The following SLC35F4 variants were observed in gnomAD, a reference collection of about 807,000 sequenced individuals.
SLC35F4 encodes the protein solute carrier family 35 member F4, also known as chromosome 14 open reading frame 36.
In SLC35F4, 24 loss-of-function variants were observed where a neutral mutation model predicts 44.2. The observed-to-expected ratio is 0.54, with a 90% CI of 0.39 to 0.76. SLC35F4 has a LOEUF of 0.76. SLC35F4 is among the 30% of genes least tolerant of loss of function. SLC35F4 has a pLI of 0.00. For synonymous variants in SLC35F4, 238 were observed against 223.6 expected (o/e 1.06, Z -0.57); for missense variants, 562 against 586.1 (o/e 0.96, Z 0.42).
At chr14:57,929,624 C>T (rs1000711789) in intron 1 of SLC35F4, among the ~76,000 whole-genome samples, 2 of 152,168 alleles carry the variant, frequency 1.3e-5, no homozygotes, top group African/African-American at 4.8e-5. Flanking sequence ...CCAACTCTCA[C>T]CAAACTTCCT....
chr14:57,953,745 C>A (rs570416093), intron 1 of SLC35F4, among the ~76,000 whole-genome samples: 1 of 152,170 alleles, frequency 6.6e-6, no homozygotes, highest in Non-Finnish European at 1.5e-5. Context: ...AATATATATG[C>A]ACCCAATACA....
At chr14:57,582,191 G>A (rs1345475895) in intron 3 of SLC35F4, among the ~76,000 whole-genome samples, 1 of 141,470 alleles carries the variant, frequency 7.1e-6, no homozygotes. Context: ...TTAAGTCCTA[G>A]GCCTAAACAT....
chr14:57,673,971 AT>A (rs2074604529), intron 1 of SLC35F4, among the ~76,000 whole-genome samples: 1 of 152,128 alleles, frequency 6.6e-6, no homozygotes, highest in African/African-American at 2.4e-5. Flanking sequence ...TAAACACTTT[AT>A]AAAATAAGAC....
intron 1 of SLC35F4, among the ~76,000 whole-genome samples, chr14:57,941,732 T>C (rs968358884): frequency 1.3e-5 from 2 of 152,192 alleles, no homozygotes; most frequent in Admixed American, 1.3e-4. Context: ...TTATGACCAT[T>C]AAAAAGTAAC....
Position 57,593,984 on chromosome 14 carries a change from A to T in SLC35F4, c.244T>A (p.Ser82Thr), listed in dbSNP as rs749719466. ...APILELQNQG[S>T]SGVCGHRVER... The stretch of plus-strand genomic sequence containing the variant: ...ACTCTGTGTCCACAAACTCCTGAGG[A>T]TCCTTGGTTTTGAAGTTCAAGAATA... Residue 82 changes from serine to threonine, a missense_variant, in exon 2 of 8, where the codon TCC (serine) becomes ACC (threonine). Physicochemically the swap from Ser to Thr is moderately conservative, Grantham distance 58. Coordinates refer to ENST00000556826, the MANE Select transcript of SLC35F4 (RefSeq NM_001306087.2). 6.2e-7 allele frequency: 1 copy of T among 1,613,886 alleles called. No homozygotes were observed. Among genetic ancestry groups the T allele is most frequent in the South Asian group, 1.1e-5 (1 of 91,078 alleles).
chr14:57,853,007 G>A (rs1886721174), intron 1 of SLC35F4, among the ~76,000 whole-genome samples: 1 of 152,214 alleles, frequency 6.6e-6, no homozygotes, highest in Admixed American at 6.5e-5. Flanking sequence ...CTGCAGGATA[G>A]TGTAATGTTC....
At chr14:57,932,492 C>A (rs1291596281) in intron 1 of SLC35F4, among the ~76,000 whole-genome samples, 1 of 152,190 alleles carries the variant, frequency 6.6e-6, no homozygotes, top group South Asian at 2.1e-4. Context: ...TTGTTAAGTG[C>A]CAGGAGGTGA....
chr14:57,724,478 C>A (rs1284392386), intron 1 of SLC35F4, among the ~76,000 whole-genome samples: 2 of 152,186 alleles, frequency 1.3e-5, no homozygotes, highest in Non-Finnish European at 2.9e-5. Flanking sequence ...CTATCATGAA[C>A]TGAGTCCTTT....
chr14:57,751,163 GA>G (rs1195860760), intron 1 of SLC35F4, among the ~76,000 whole-genome samples: 1 of 152,152 alleles, frequency 6.6e-6, no homozygotes, highest in Non-Finnish European at 1.5e-5. Context: ...TTTTCCATAA[GA>G]AGGAACTAAA....
intron 4 of SLC35F4, chr14:57,578,955 C>T (rs956076777): frequency 1.3e-5 from 2 of 152,202 alleles, no homozygotes; most frequent in Non-Finnish European, 2.9e-5. Flanking sequence ...ACAGCTGGGA[C>T]CAAAGGCATC....
At chr14:57,741,118 C>T (rs757702835) in intron 1 of SLC35F4, among the ~76,000 whole-genome samples, 6 of 152,186 alleles carry the variant, frequency 3.9e-5, no homozygotes, top group Non-Finnish European at 5.9e-5. Context: ...GATAAAACCA[C>T]AAAGATGGGT....
intron 1 of SLC35F4, among the ~76,000 whole-genome samples, chr14:57,859,232 C>T (rs1017850012): frequency 6.6e-6 from 1 of 152,004 alleles, no homozygotes; most frequent in Non-Finnish European, 1.5e-5. Context: ...TTAAAGTGCT[C>T]GCATATATGG....
intron 1 of SLC35F4, among the ~76,000 whole-genome samples, chr14:57,852,274 C>T (rs1332642224): frequency 6.6e-6 from 1 of 152,124 alleles, no homozygotes; most frequent in Non-Finnish European, 1.5e-5. Context: ...AGACAGGTCA[C>T]ACCACCAGGA....
chr14:57,653,702 G>A (rs1434490631), intron 1 of SLC35F4, among the ~76,000 whole-genome samples: 1 of 152,188 alleles, frequency 6.6e-6, no homozygotes, highest in Non-Finnish European at 1.5e-5. Context: ...GGAGCAGGTG[G>A]TGTTTGCTGC....
upstream of SLC35F4, among the ~76,000 whole-genome samples, chr14:57,867,002 T>TAATAATAATAA (rs1566916240): frequency 2.0e-5 from 3 of 146,732 alleles, no homozygotes; most frequent in South Asian, 2.1e-4. Context: ...ATAATAATAA[T>TAATAATAATAA]TTTCAAAGTT....
chr14:57,824,655 C>A (rs1169882456), intron 1 of SLC35F4, among the ~76,000 whole-genome samples: 1 of 152,058 alleles, frequency 6.6e-6, no homozygotes, highest in Non-Finnish European at 1.5e-5. Context: ...ATAGAGATAT[C>A]TGGGGGAAGA....
chr14:57,688,988 T>A (rs2075147068), intron 1 of SLC35F4, among the ~76,000 whole-genome samples: 1 of 152,170 alleles, frequency 6.6e-6, no homozygotes, highest in South Asian at 2.1e-4. Flanking sequence ...TCAAAGTTAC[T>A]GTGTACCTAT....
At chr14:57,611,858 T>C (rs745638645) in intron 1 of SLC35F4, among the ~76,000 whole-genome samples, 2 of 152,172 alleles carry the variant, frequency 1.3e-5, no homozygotes, top group Non-Finnish European at 2.9e-5. Flanking sequence ...TGAAGTAACC[T>C]GGCCTCCCTC....
intron 1 of SLC35F4, among the ~76,000 whole-genome samples, chr14:57,824,066 A>G (rs1020126459): frequency 6.6e-6 from 1 of 152,212 alleles, no homozygotes; most frequent in African/African-American, 2.4e-5. Flanking sequence ...TGGAACCTGA[A>G]GGACCATTTT....
Sources: gnomAD v4.1 joint callset for allele counts (sites outside exome capture counted in the v4.1 genomes callset) on GRCh38, gnomAD v4.1.1 for gene constraint, MANE v1.5 for transcripts, NCBI Gene and HGNC (gene_info 2026-07-23, HGNC 2026-07-21) for gene names.